CDH4: variants seen among roughly 807,000 people sequenced by gnomAD.
CDH4 encodes the protein cadherin 4.
In CDH4, 33 loss-of-function variants were observed where a neutral mutation model predicts 86.0. The ratio of observed to expected loss-of-function variants is 0.38; its 90% confidence interval spans 0.29 to 0.51. The LOEUF is 0.51. CDH4 is among the 20% of genes least tolerant of loss of function. The probability of loss-of-function intolerance (pLI) is 0.86; values close to 1 mark genes in which losing one functional copy is unlikely to be tolerated. For missense variants in CDH4, 1,114 were observed against 1,307.4 expected (o/e 0.85, Z 2.28); for synonymous variants, 555 against 549.4 (o/e 1.01, Z -0.14).
chr20:61,818,778 C>G (rs976160894), intron 4 of CDH4, among the ~76,000 whole-genome samples: 2 of 151,920 alleles, frequency 1.3e-5, no homozygotes, highest in African/African-American at 4.8e-5. Flanking sequence ...TTGGGGATTC[C>G]AGGATGGTGG....
intron 5 of CDH4, 38 bp from the exon 6 acceptor site, chr20:61,852,716 C>T (rs182816710): frequency 6.3e-7 from 1 of 1,591,898 alleles, no homozygotes; most frequent in Non-Finnish European, 8.6e-7. Context: ...GTGGGGGTGC[C>T]CACCCGCCAC....
intron 2 of CDH4, among the ~76,000 whole-genome samples, chr20:61,620,085 G>C (rs992165285): frequency 7.8e-6 from 1 of 128,524 alleles, no homozygotes; most frequent in African/African-American, 2.8e-5. Flanking sequence ...TCCTGAGTCA[G>C]CTCAGAGATG....
At chr20:61,775,198 A>C (rs1279969145) in intron 4 of CDH4, among the ~76,000 whole-genome samples, 2 of 152,072 alleles carry the variant, frequency 1.3e-5, no homozygotes, top group Admixed American at 1.3e-4. Flanking sequence ...GCATAAGGTG[A>C]GAGAACAAAG....
At chr20:61,564,525 A>G (rs6061642) in intron 2 of CDH4, among the ~76,000 whole-genome samples, 48,922 of 151,484 alleles carry the variant, frequency 0.32, 8,381 homozygotes, top group East Asian at 0.45. Flanking sequence ...TCGTGCTCTC[A>G]CTCTCACCAT....
In CDH4 at chr20:61,653,152, T is replaced by G. The variant is rs1010865116; in HGVS notation, c.170-90411T>G. On this transcript the variant is annotated intron_variant, in intron 2 of 15. Transcript: ENST00000614565. Reference sequence around the variant, plus strand: ...TGGTGATGACTCTTAACGAGCATACTGCCTTCAAGCATCTGTTTAACAAAG... The same window carrying G: ...TGGTGATGACTCTTAACGAGCATACGGCCTTCAAGCATCTGTTTAACAAAG... 4.7e-5 allele frequency among the ~76,000 whole-genome samples: 6 copies of G among 127,434 alleles called. 1 individual carries two copies. The highest frequency in any genetic ancestry group is 1.6e-4 in the African/African-American group (6 of 36,808). 83.6% of individuals were successfully genotyped at this position (127,434 alleles called of 152,430 possible). A position where few individuals can be genotyped will look rare whatever the true frequency, so the allele number is the denominator to read the frequency against.
chr20:61,590,418 G>A (rs75728248), intron 2 of CDH4, among the ~76,000 whole-genome samples: 3,242 of 152,266 alleles, frequency 0.021, 61 homozygotes, highest in Non-Finnish European at 0.033. Flanking sequence ...AGGTTCAGGC[G>A]TCTACTCACA....
intron 2 of CDH4, among the ~76,000 whole-genome samples, chr20:61,397,347 A>G (rs919445032): frequency 1.3e-5 from 2 of 152,064 alleles, no homozygotes; most frequent in East Asian, 1.9e-4. Flanking sequence ...TTTTTCCCCA[A>G]TGGGGTGGTG....
intron 4 of CDH4, among the ~76,000 whole-genome samples, chr20:61,816,960 T>G (rs4925199): frequency 0.42 from 63,631 of 152,082 alleles, 16,183 homozygotes; most frequent in Non-Finnish European, 0.58. Context: ...TGGCTTGGGG[T>G]AAAAGGTGCC....
intron 6 of CDH4, among the ~76,000 whole-genome samples, chr20:61,856,345 G>T (rs1393475636): frequency 6.6e-6 from 1 of 152,086 alleles, no homozygotes; most frequent in East Asian, 1.9e-4. Flanking sequence ...ACAGGCCCGG[G>T]ATCCATGAGG....
intron 2 of CDH4, among the ~76,000 whole-genome samples, chr20:61,562,440 GGA>G (rs1180870336): frequency 6.6e-6 from 1 of 151,274 alleles, no homozygotes; most frequent in Non-Finnish European, 1.5e-5. Flanking sequence ...CAGGACTCCC[GGA>G]GAGAGAGAGG....
chr20:61,258,987 A>G (rs2084115608), intron 2 of CDH4, among the ~76,000 whole-genome samples: 3 of 152,240 alleles, frequency 2.0e-5, no homozygotes, highest in Non-Finnish European at 4.4e-5. Context: ...TTGCATTGTC[A>G]TGTGTGTCTT....
chr20:61,516,417 G>C lies in CDH4; in HGVS notation c.170-227146G>C, dbSNP rs541873777. Reference sequence around the variant, plus strand: ...GCATGAGCTCATGTGCATCACCTCCGACTCCTCATCACCAGATGCCGCTGC... The same window carrying C: ...GCATGAGCTCATGTGCATCACCTCCCACTCCTCATCACCAGATGCCGCTGC... On this transcript the variant is annotated intron_variant, in intron 2 of 15. Coordinates refer to ENST00000614565, the MANE Select transcript of CDH4 (RefSeq NM_001794.5). This position sits in a 1 kb window ranked among gnomAD's most constrained non-coding sequence, Gnocchi z 4.0. 6.6e-6 allele frequency among the ~76,000 whole-genome samples: 1 copy of C among 152,206 alleles called. No individual in the cohort carries two copies. Among genetic ancestry groups the C allele is most frequent in the Admixed American group, 6.5e-5 (1 of 15,284 alleles).
At position 61,753,054 on chromosome 20, in the gene CDH4, T is replaced by C. The variant is rs1295606203; in HGVS notation, c.396+9265T>C. Among the ~76,000 whole-genome samples, 6 of 152,174 alleles carry C rather than the reference T, an allele frequency of 3.9e-5. No homozygotes were observed. The East Asian group carries it at 7.7e-4, about 20-fold the overall frequency. On this transcript the variant is annotated intron_variant, in intron 3 of 15. Transcript: ENST00000614565. ...GCATGCAGAGGGCTACCTAACTGTG[T>C]TTAGAGAAGGTGGGAGTTCTGATGG...
At chr20:61,265,405 A>G (rs2123128514) in intron 2 of CDH4, among the ~76,000 whole-genome samples, 1 of 151,916 alleles carries the variant, frequency 6.6e-6, no homozygotes, top group Middle Eastern at 3.4e-3. Flanking sequence ...ATTCAATCTT[A>G]CACATATCTC....
chr20:61,360,811 C>T (rs546308953), intron 2 of CDH4, among the ~76,000 whole-genome samples: 8 of 152,300 alleles, frequency 5.3e-5, no homozygotes, highest in African/African-American at 1.9e-4. Context: ...GAACTCAATT[C>T]TAGAAAGGAG....
chr20:61,679,995 T>G (rs1386752319), intron 2 of CDH4, among the ~76,000 whole-genome samples: 1 of 152,016 alleles, frequency 6.6e-6, no homozygotes, highest in Non-Finnish European at 1.5e-5. Flanking sequence ...GAGTGAAGCT[T>G]GCAGCCCCCA....
chr20:61,461,500 C>T (rs1471248535), intron 2 of CDH4, among the ~76,000 whole-genome samples: 1 of 152,146 alleles, frequency 6.6e-6, no homozygotes, highest in Non-Finnish European at 1.5e-5. Flanking sequence ...GGGGCCTGCT[C>T]AGAGGGTTCT....
At chr20:61,768,715 C>T (rs756731399) in intron 3 of CDH4, among the ~76,000 whole-genome samples, 11 of 152,144 alleles carry the variant, frequency 7.2e-5, no homozygotes, top group Non-Finnish European at 1.5e-4. Flanking sequence ...CATTTTCTTC[C>T]AGGGAAGCGG....
At position 61,899,283 on chromosome 20, in the gene CDH4, C is replaced by CA. The variant is rs66506614; in HGVS notation, c.1188+4248dup. Among the ~76,000 whole-genome samples the CA allele has an allele frequency of 5.4e-3, 723 of 134,228 alleles. 6 individuals carry two copies. Among genetic ancestry groups the CA allele is most frequent in the African/African-American group, 6.5e-3 (247 of 37,916 alleles). The allele number at this position is 134,228 out of a possible 152,430, so 88.1% of individuals were successfully genotyped here. ...TGCACCATTGCACACTAGCCTGTCT[C>CA]AAAAAAAAAAAAGAAAAGAAGAGGG... On this transcript the variant is annotated intron_variant, in intron 8 of 15. Coordinates refer to ENST00000614565, the MANE Select transcript of CDH4 (RefSeq NM_001794.5).
Sources: gnomAD v4.1 joint callset for allele counts (sites outside exome capture counted in the v4.1 genomes callset) on GRCh38, gnomAD v4.1.1 for gene constraint, Gnocchi (gnomAD v3.1) non-coding constraint, MANE v1.5 for transcripts, NCBI Gene and HGNC (gene_info 2026-07-23, HGNC 2026-07-21) for gene names.